The following TMEM196 variants were observed in gnomAD, a reference collection of about 807,000 sequenced individuals.
TMEM196 encodes the protein transmembrane protein 196.
Under a neutral mutation model 20.0 loss-of-function variants are expected in TMEM196, and 17 were observed. That is an observed-to-expected ratio of 0.85 (90% CI 0.58 to 1.27). The LOEUF (loss-of-function observed/expected upper bound fraction) is 1.27. Among genes scored for constraint, TMEM196 ranks in the 50% most tolerant of loss-of-function variants. The pLI is 0.00. For synonymous variants in TMEM196, 113 were observed against 88.9 expected (o/e 1.27, Z -1.52); for missense variants, 267 against 223.0 (o/e 1.20, Z -1.26).
At chr7:19,756,095 A>T (rs922431433) in intron 1 of TMEM196, among the ~76,000 whole-genome samples, 4 of 152,042 alleles carry the variant, frequency 2.6e-5, no homozygotes, top group Non-Finnish European at 4.4e-5. Flanking sequence ...ATCAAAAAAA[A>T]AAATGTATTC....
intron 1 of TMEM196, among the ~76,000 whole-genome samples, chr7:19,758,314 T>C (rs1032487506): frequency 4.6e-5 from 7 of 152,308 alleles, no homozygotes; most frequent in African/African-American, 1.7e-4. Context: ...AGCCATTTCT[T>C]TGAAACTTCC....
chr7:19,772,556 C>G lies in TMEM196; in HGVS notation c.141G>C (p.Ser47=), dbSNP rs1195159173. The G allele has an allele frequency of 2.6e-6, 4 of 1,542,634 alleles. No individual in the cohort carries two copies. Among genetic ancestry groups the G allele is most frequent in the Admixed American group, 2.0e-5 (1 of 49,932 alleles). The change falls in exon 1 of 5, where the codon TCG becomes TCC. Residue 47 remains serine, a synonymous_variant. Transcript: ENST00000405844. ...LREHKPQLGD[S]SPFLLCGICG... is the part of the protein sequence containing the mutation. ...CACACACCCCGCTCCATACCGGGGA[C>G]GAGTCTCCGAGCTGCGGCTTGTGCT...
At chr7:19,742,365 C>G (rs1001129427) in intron 1 of TMEM196, among the ~76,000 whole-genome samples, 1 of 152,002 alleles carries the variant, frequency 6.6e-6, no homozygotes, top group Non-Finnish European at 1.5e-5. Flanking sequence ...TTTGTTTGTC[C>G]TTTCCGAGGA....
intron 1 of TMEM196, among the ~76,000 whole-genome samples, chr7:19,763,405 C>T (rs1463179952): frequency 6.6e-6 from 1 of 152,108 alleles, no homozygotes; most frequent in African/African-American, 2.4e-5. Flanking sequence ...TCCAAAAACC[C>T]TGCCAAATAT....
chr7:19,740,004 C>G (rs1031417511), intron 1 of TMEM196, among the ~76,000 whole-genome samples: 5 of 151,920 alleles, frequency 3.3e-5, no homozygotes, highest in Admixed American at 2.6e-4. Flanking sequence ...CTCAGCAGTC[C>G]CACAAGTGAG....
Position 19,722,148 on chromosome 7 carries a change from G to A in TMEM196, c.534-14C>T, listed in dbSNP as rs767477723. On this transcript the variant is annotated splice_polypyrimidine_tract_variant and intron_variant, in intron 4 of 4. Transcript: ENST00000405844. ...GTCTGTTATTTCCTGTTAGAAAAATGACATGATTAATTAAAATTCGCTTTT... is the reference window on the plus strand; with the variant it reads ...GTCTGTTATTTCCTGTTAGAAAAATAACATGATTAATTAAAATTCGCTTTT... 2 of 1,600,250 alleles carry A rather than the reference G, an allele frequency of 1.2e-6. No homozygotes were observed. Among genetic ancestry groups the A allele is most frequent in the Admixed American group, 1.7e-5 (1 of 57,796 alleles).
intron 1 of TMEM196, among the ~76,000 whole-genome samples, chr7:19,764,363 C>A (rs1785543265): frequency 6.6e-6 from 1 of 152,256 alleles, no homozygotes. Context: ...CTTTCAGGAC[C>A]TTTTCAAGAC....
intron 2 of TMEM196, among the ~76,000 whole-genome samples, chr7:19,727,645 C>A (rs1316924999): frequency 1.3e-5 from 2 of 152,112 alleles, no homozygotes; most frequent in African/African-American, 4.8e-5. Flanking sequence ...GGTGTTTACT[C>A]ATTCTCTGAA....
intron 1 of TMEM196, among the ~76,000 whole-genome samples, chr7:19,761,977 T>A (rs1388977468): frequency 6.6e-6 from 1 of 152,220 alleles, no homozygotes; most frequent in African/African-American, 2.4e-5. Flanking sequence ...TGTGTTCTGT[T>A]CCAATTCTGT....
Position 19,721,134 on chromosome 7 carries a change from C to T in TMEM196, c.*994G>A, listed in dbSNP as rs1783799639. ...CACCCACAATGATATTTACACAAAA[C>T]CTAATTAAAAGAAGAAAAATGGGCA... On this transcript the variant is annotated 3_prime_UTR_variant, in exon 5 of 5. Transcript: ENST00000405844. The T allele has an allele frequency of 6.6e-6, 1 of 151,694 alleles. No homozygotes were observed. Among genetic ancestry groups the T allele is most frequent in the African/African-American group, 2.4e-5 (1 of 41,350 alleles). 9.4% of individuals were successfully genotyped at this position (151,694 alleles called of 1,614,324 possible).
intron 1 of TMEM196, among the ~76,000 whole-genome samples, chr7:19,730,492 A>G (rs1784165718): frequency 6.6e-6 from 1 of 152,240 alleles, no homozygotes; most frequent in East Asian, 1.9e-4. Flanking sequence ...AAATAGCTAT[A>G]TAAAATATTC....
chr7:19,744,353 C>T (rs1479582327), intron 1 of TMEM196, among the ~76,000 whole-genome samples: 2 of 152,044 alleles, frequency 1.3e-5, no homozygotes, highest in Non-Finnish European at 2.9e-5. Context: ...GATGATTCTA[C>T]AGAGAATAAA....
chr7:19,729,331 T>G, intron 2 of TMEM196, 51 bp downstream of exon 2: 1 of 1,490,686 alleles, frequency 6.7e-7, no homozygotes, highest in Non-Finnish European at 9.0e-7. Context: ...TATTTTAGAA[T>G]TTTACGTTTC....
rs1785940626 is a variant in TMEM196 at position 19,772,782 on chromosome 7, A to C, written c.-86T>G. On this transcript the variant is annotated 5_prime_UTR_variant, in exon 1 of 5. Coordinates refer to ENST00000405844, the MANE Select transcript of TMEM196 (RefSeq NM_001363562.2). Reference sequence around the variant, plus strand: ...TTCCACTATCCTCCTTACCCCTTCCACCCCCTACCAGATCCCAAAACTTTT... The same window carrying C: ...TTCCACTATCCTCCTTACCCCTTCCCCCCCCTACCAGATCCCAAAACTTTT... The C allele has an allele frequency of 3.2e-6, 4 of 1,235,108 alleles. No individual in the cohort carries two copies. Among genetic ancestry groups the C allele is most frequent in the East Asian group, 3.1e-5 (1 of 32,390 alleles). 76.5% of individuals were successfully genotyped at this position (1,235,108 alleles called of 1,614,324 possible).
At chr7:19,769,944 T>C (rs1356176596) in intron 1 of TMEM196, among the ~76,000 whole-genome samples, 1 of 152,044 alleles carries the variant, frequency 6.6e-6, no homozygotes, top group African/African-American at 2.4e-5. Flanking sequence ...GCCAACTGTA[T>C]TTAATTTGTT....
chr7:19,767,054 A>G (rs531191370), intron 1 of TMEM196, among the ~76,000 whole-genome samples: 27 of 152,236 alleles, frequency 1.8e-4, no homozygotes, highest in South Asian at 1.2e-3. Flanking sequence ...TGTTTCTAGG[A>G]CAAAGACTTC....
At chr7:19,736,305 G>A (rs1784396401) in intron 1 of TMEM196, among the ~76,000 whole-genome samples, 1 of 112,738 alleles carries the variant, frequency 8.9e-6, no homozygotes, top group African/African-American at 3.5e-5. Context: ...TGCCTCCTTT[G>A]TTATGTGCTT....
Position 19,772,780 on chromosome 7 carries a change from C to T in TMEM196, c.-84G>A. ...TCTTCCACTATCCTCCTTACCCCTT[C>T]CACCCCCTACCAGATCCCAAAACTT... On this transcript the variant is annotated 5_prime_UTR_variant, in exon 1 of 5. Transcript: ENST00000405844. The T allele has an allele frequency of 8.0e-7, 1 of 1,253,706 alleles. No homozygotes were observed. Among genetic ancestry groups the T allele is most frequent in the South Asian group, 2.4e-5 (1 of 41,224 alleles). The allele number at this position is 1,253,706 out of a possible 1,614,324, so 77.7% of individuals were successfully genotyped here.
intron 1 of TMEM196, among the ~76,000 whole-genome samples, chr7:19,766,592 T>A (rs1448519292): frequency 1.3e-5 from 2 of 151,406 alleles, no homozygotes; most frequent in Non-Finnish European, 2.9e-5. Flanking sequence ...CATATATATA[T>A]AACTTTTTTA....
Sources: allele counts gnomAD v4.1 joint callset (sites outside exome capture counted in the v4.1 genomes callset), GRCh38; gene constraint gnomAD v4.1.1; transcripts MANE v1.5; gene names NCBI Gene and HGNC (gene_info 2026-07-23, HGNC 2026-07-21).